Variants in DGKB observed in about 807,000 individuals in gnomAD.
The protein encoded by DGKB is 90 kDa diacylglycerol kinase.
DGKB carries 67 observed loss-of-function variants against 114.3 expected under a neutral mutation model. The ratio of observed to expected loss-of-function variants is 0.59; its 90% CI spans 0.48 to 0.72. The LOEUF (loss-of-function observed/expected upper bound fraction) is 0.72, where lower values mean the gene tolerates loss of function less well. DGKB is among the 30% of genes least tolerant of loss of function. DGKB has a pLI of 0.00. For missense variants in DGKB, 907 were observed against 975.2 expected (o/e 0.93, Z 0.93); for synonymous variants, 398 against 323.1 (o/e 1.23, Z -2.49).
intron 25 of DGKB, among the ~76,000 whole-genome samples, chr7:14,174,857 G>T (rs1781496149): frequency 6.6e-6 from 1 of 152,138 alleles, no homozygotes; most frequent in Non-Finnish European, 1.5e-5. Flanking sequence ...TGTGAATTTA[G>T]AAGTGTCATT....
At chr7:14,859,369 A>G (rs1353450679) in intron 1 of DGKB, among the ~76,000 whole-genome samples, 1 of 152,156 alleles carries the variant, frequency 6.6e-6, no homozygotes, top group Non-Finnish European at 1.5e-5. Context: ...TGTGAAAGCC[A>G]CAAAATGTTA....
intron 1 of DGKB, among the ~76,000 whole-genome samples, chr7:14,900,799 G>A (rs1028368248): frequency 6.6e-6 from 1 of 152,046 alleles, no homozygotes; most frequent in African/African-American, 2.4e-5. Flanking sequence ...AACTACATAA[G>A]TTTCTAGATT....
At chr7:14,721,362 G>A (rs1463926247) in intron 5 of DGKB, among the ~76,000 whole-genome samples, 1 of 152,058 alleles carries the variant, frequency 6.6e-6, no homozygotes, top group Non-Finnish European at 1.5e-5. Flanking sequence ...GAGTATGAAT[G>A]TACACATATA....
At chr7:14,785,614 A>T (rs1040005642) in intron 2 of DGKB, among the ~76,000 whole-genome samples, 2 of 152,228 alleles carry the variant, frequency 1.3e-5, no homozygotes, top group African/African-American at 2.4e-5. Flanking sequence ...GACCACCTGC[A>T]TCAAAAACAT....
At chr7:14,651,497 C>T (rs912181713) in intron 13 of DGKB, among the ~76,000 whole-genome samples, 2 of 145,252 alleles carry the variant, frequency 1.4e-5, no homozygotes, top group African/African-American at 5.0e-5. Context: ...TGGGACGTAT[C>T]TCAAAATAAT....
At chr7:14,653,321 A>G (rs1815011593) in intron 13 of DGKB, among the ~76,000 whole-genome samples, 1 of 152,088 alleles carries the variant, frequency 6.6e-6, no homozygotes, top group Non-Finnish European at 1.5e-5. Context: ...AATACTATGC[A>G]GCCATAAAAA....
At chr7:14,241,121 G>A (rs917480590) in intron 23 of DGKB, among the ~76,000 whole-genome samples, 1 of 152,094 alleles carries the variant, frequency 6.6e-6, no homozygotes, top group East Asian at 1.9e-4. Flanking sequence ...AACTATAAAT[G>A]TACGGCGCTT....
intron 23 of DGKB, among the ~76,000 whole-genome samples, chr7:14,185,064 C>T (rs555452048): frequency 5.3e-5 from 8 of 152,028 alleles, no homozygotes; most frequent in Non-Finnish European, 1.0e-4. Flanking sequence ...GCATCCAAAT[C>T]GGTAAAGAGG....
chr7:14,717,626 A>T (rs938234661), intron 6 of DGKB, among the ~76,000 whole-genome samples: 2 of 152,144 alleles, frequency 1.3e-5, no homozygotes, highest in Non-Finnish European at 2.9e-5. Context: ...AAATTTAACT[A>T]AAAATGCCCC....
chr7:14,898,387 G>A (rs752000795), intron 1 of DGKB, among the ~76,000 whole-genome samples: 3 of 152,102 alleles, frequency 2.0e-5, no homozygotes, highest in East Asian at 1.9e-4. Context: ...TTCAAACCCC[G>A]GCTCTATTCC....
chr7:14,605,420 TATAG>T (rs1804312394), intron 17 of DGKB, among the ~76,000 whole-genome samples: 1 of 150,250 alleles, frequency 6.7e-6, no homozygotes, highest in African/African-American at 2.4e-5. Context: ...ATGAATACGT[TATAG>T]ATAGAGGGGA....
chr7:14,177,631 A>G (rs927746202), intron 24 of DGKB, among the ~76,000 whole-genome samples: 5 of 151,934 alleles, frequency 3.3e-5, no homozygotes, highest in African/African-American at 1.2e-4. Flanking sequence ...TAAAATTTAA[A>G]ACATATATAA....
chr7:14,801,074 T>C (rs866112045), intron 2 of DGKB, among the ~76,000 whole-genome samples: 5 of 152,314 alleles, frequency 3.3e-5, no homozygotes, highest in Middle Eastern at 3.4e-3. Context: ...TATGAATAAG[T>C]GTATGTGCAT....
At chr7:14,788,643 C>T (rs1381222631) in intron 2 of DGKB, among the ~76,000 whole-genome samples, 1 of 152,098 alleles carries the variant, frequency 6.6e-6, no homozygotes, top group Non-Finnish European at 1.5e-5. Context: ...TAAACTAGCC[C>T]ATCCCAAGCC....
intron 17 of DGKB, 31 bp from the exon 18 acceptor site, chr7:14,583,168 T>C: frequency 7.5e-7 from 1 of 1,340,012 alleles, no homozygotes; most frequent in Non-Finnish European, 1.1e-6. Flanking sequence ...GGCACATGAT[T>C]AATAGTTTAA....
At chr7:14,915,343 A>C (rs755953030) in intron 1 of DGKB, among the ~76,000 whole-genome samples, 4 of 152,152 alleles carry the variant, frequency 2.6e-5, no homozygotes, top group Non-Finnish European at 5.9e-5. Flanking sequence ...AAGCCTCCAC[A>C]CTCCAGCCTG....
At chr7:14,691,083 G>C (rs527388679) in intron 9 of DGKB, among the ~76,000 whole-genome samples, 2 of 152,110 alleles carry the variant, frequency 1.3e-5, no homozygotes, top group South Asian at 2.1e-4. Context: ...TTCTGATTTT[G>C]GTACCAAAAT....
intron 21 of DGKB, among the ~76,000 whole-genome samples, chr7:14,393,307 C>T (rs946858339): frequency 1.3e-5 from 2 of 152,010 alleles, no homozygotes; most frequent in African/African-American, 4.8e-5. Flanking sequence ...TGTTTTTATA[C>T]AGCTTGTGTA....
intron 17 of DGKB, among the ~76,000 whole-genome samples, chr7:14,591,199 G>T (rs2128745409): frequency 6.6e-6 from 1 of 152,238 alleles, no homozygotes; most frequent in African/African-American, 2.4e-5. Flanking sequence ...ATGGGGAGAA[G>T]TGAGAAAATG....
Sources: gnomAD v4.1 joint callset for allele counts (sites outside exome capture counted in the v4.1 genomes callset) on GRCh38, gnomAD v4.1.1 for gene constraint, MANE v1.5 for transcripts, NCBI Gene and HGNC (gene_info 2026-07-23, HGNC 2026-07-21) for gene names.